The following RBFOX3 variants were observed in gnomAD, a reference collection of about 807,000 sequenced individuals.
RBFOX3 encodes RNA binding fox-1 homolog 3, also known as RNA binding protein fox-1 homolog 3.
In RBFOX3, 17 loss-of-function variants were observed where a neutral mutation model predicts 48.7. That is an observed-to-expected ratio of 0.35 (90% CI 0.24 to 0.52). The LOEUF (loss-of-function observed/expected upper bound fraction) is 0.52, where lower values mean the gene tolerates loss of function less well. RBFOX3 is among the 20% of genes least tolerant of loss of function. RBFOX3 has a pLI of 0.94. For synonymous variants in RBFOX3, 212 were observed against 209.5 expected, an observed-to-expected ratio of 1.01 and a Z score of -0.10; for missense variants, 382 against 497.5, an observed-to-expected ratio of 0.77 and a Z score of 2.21.
chr17:79,215,389 C>T (rs2058911344), intron 4 of RBFOX3, among the ~76,000 whole-genome samples: 2 of 152,240 alleles, frequency 1.3e-5, no homozygotes, highest in African/African-American at 4.8e-5. Context: ...GCACCCTACT[C>T]ATGCTCAGAC....
intron 4 of RBFOX3, among the ~76,000 whole-genome samples, chr17:79,182,959 C>A (rs2052451394): frequency 6.6e-6 from 1 of 150,746 alleles, no homozygotes; most frequent in East Asian, 1.9e-4. Context: ...CCCGCCCCCT[C>A]CCCTCGGGCT....
intron 2 of RBFOX3, among the ~76,000 whole-genome samples, chr17:79,371,806 G>A (rs999225321): frequency 2.6e-5 from 4 of 152,202 alleles, no homozygotes; most frequent in South Asian, 4.1e-4. Flanking sequence ...CTGGTCAGCC[G>A]TGCCCTGAGG....
intron 2 of RBFOX3, among the ~76,000 whole-genome samples, chr17:79,405,193 C>G (rs1164177495): frequency 1.3e-5 from 2 of 152,140 alleles, no homozygotes; most frequent in Non-Finnish European, 2.9e-5. Context: ...GACGGCTGCA[C>G]CCCACCAGCT....
chr17:79,154,436 G>A (rs890165889), intron 4 of RBFOX3, among the ~76,000 whole-genome samples: 4 of 152,232 alleles, frequency 2.6e-5, no homozygotes, highest in Non-Finnish European at 2.9e-5. Flanking sequence ...GTGCTGTCAC[G>A]ATGCCCGGCA....
At chr17:79,277,302 G>GA (rs1567963665) in intron 3 of RBFOX3, among the ~76,000 whole-genome samples, 6 of 88,126 alleles carry the variant, frequency 6.8e-5, no homozygotes, top group African/African-American at 2.7e-4. Flanking sequence ...CAATGGTGGG[G>GA]AGGGGGGGGG....
intron 2 of RBFOX3, among the ~76,000 whole-genome samples, chr17:79,404,421 C>T (rs1053851736): frequency 6.6e-6 from 1 of 152,234 alleles, no homozygotes; most frequent in Admixed American, 6.5e-5. Flanking sequence ...CCCGCGGGCA[C>T]CCCAGGCCAC....
chr17:79,468,160 C>G (rs868909507), intron 2 of RBFOX3, among the ~76,000 whole-genome samples: 1 of 152,160 alleles, frequency 6.6e-6, no homozygotes, highest in African/African-American at 2.4e-5. Context: ...GAACCCCACA[C>G]GCTAAGACCA....
intron 2 of RBFOX3, among the ~76,000 whole-genome samples, chr17:79,387,560 A>G (rs1035277114): frequency 1.3e-5 from 2 of 152,240 alleles, no homozygotes; most frequent in African/African-American, 4.8e-5. Context: ...TGGATGAGAA[A>G]GCTGAGGCCA....
chr17:79,587,539 C>T (rs1447870259), intron 1 of RBFOX3, among the ~76,000 whole-genome samples: 3 of 152,228 alleles, frequency 2.0e-5, no homozygotes, highest in South Asian at 2.1e-4. Flanking sequence ...TGAGAATAAA[C>T]AGGGAACACC....
At chr17:79,171,049 T>C (rs915344705) in intron 4 of RBFOX3, among the ~76,000 whole-genome samples, 4 of 152,224 alleles carry the variant, frequency 2.6e-5, no homozygotes, top group Non-Finnish European at 5.9e-5. Flanking sequence ...TTATTCCTTT[T>C]AGATCTGAGC....
At chr17:79,433,062 T>C (rs1422453349) in intron 2 of RBFOX3, among the ~76,000 whole-genome samples, 1 of 152,206 alleles carries the variant, frequency 6.6e-6, no homozygotes, top group African/African-American at 2.4e-5. Flanking sequence ...CTGCTGGTGT[T>C]GGTGTGGTTG....
the RBFOX3 span, among the ~76,000 whole-genome samples, chr17:79,635,368 A>G: frequency 6.6e-6 from 1 of 152,134 alleles, no homozygotes; most frequent in Admixed American, 6.5e-5. Flanking sequence ...GCCTCAGAAG[A>G]GCAGCTGAGA....
chr17:79,485,116 G>A (rs2079368095), intron 1 of RBFOX3, among the ~76,000 whole-genome samples: 1 of 152,156 alleles, frequency 6.6e-6, no homozygotes, highest in African/African-American at 2.4e-5. Flanking sequence ...AGGCTGCCCA[G>A]GGCCTGGGCG....
chr17:79,401,747 T>C (rs2062836890), intron 2 of RBFOX3, among the ~76,000 whole-genome samples: 1 of 152,192 alleles, frequency 6.6e-6, no homozygotes. Flanking sequence ...CCAGGGCACC[T>C]GGCCCAGCAG....
intron 1 of RBFOX3, among the ~76,000 whole-genome samples, chr17:79,573,663 A>G (rs1010412761): frequency 1.6e-3 from 250 of 152,272 alleles, no homozygotes; most frequent in African/African-American, 5.7e-3. Flanking sequence ...GGGATTTTCC[A>G]ATGCGATGAT....
intron 3 of RBFOX3, among the ~76,000 whole-genome samples, chr17:79,297,395 G>C (rs1463549043): frequency 1.3e-5 from 2 of 152,198 alleles, no homozygotes; most frequent in Non-Finnish European, 2.9e-5. Flanking sequence ...TGCACATCCC[G>C]GGCCAGCCCC....
intron 1 of RBFOX3, among the ~76,000 whole-genome samples, chr17:79,589,584 C>T (rs1331132207): frequency 6.6e-6 from 1 of 152,204 alleles, no homozygotes; most frequent in Non-Finnish European, 1.5e-5. Flanking sequence ...CCTCTTCCCT[C>T]CCAATCTCCT....
At chr17:79,238,952 G>A (rs768139947) in intron 3 of RBFOX3, among the ~76,000 whole-genome samples, 4 of 152,138 alleles carry the variant, frequency 2.6e-5, no homozygotes, top group Non-Finnish European at 5.9e-5. Flanking sequence ...CGGGCCAGGA[G>A]CTCCCCGAGC....
chr17:79,453,175 A>T (rs182417834), intron 2 of RBFOX3, among the ~76,000 whole-genome samples: 1 of 152,336 alleles, frequency 6.6e-6, no homozygotes, highest in East Asian at 1.9e-4. Context: ...GTCATTCTAC[A>T]CATGCTATGC....
Sources: gnomAD v4.1 joint callset for allele counts (sites outside exome capture counted in the v4.1 genomes callset) on GRCh38, gnomAD v4.1.1 for gene constraint, MANE v1.5 for transcripts, NCBI Gene and HGNC (gene_info 2026-07-23, HGNC 2026-07-21) for gene names.